Variants in ACSL1 observed in about 807,000 individuals in gnomAD.
ACSL1 encodes the protein acyl-CoA synthetase long chain family member 1.
In ACSL1, 41 loss-of-function variants were observed where a neutral mutation model predicts 98.4. That is an observed-to-expected ratio of 0.42 (90% CI 0.32 to 0.54). The LOEUF is 0.54. ACSL1 is among the 20% of genes least tolerant of loss of function. ACSL1 has a pLI of 0.13. For missense variants in ACSL1, 734 were observed against 883.1 expected (o/e 0.83, Z 2.14); for synonymous variants, 316 against 322.7 (o/e 0.98, Z 0.22).
intron 7 of ACSL1, among the ~76,000 whole-genome samples, chr4:184,775,705 T>C (rs1765188112): frequency 6.6e-6 from 1 of 152,194 alleles, no homozygotes; most frequent in Non-Finnish European, 1.5e-5. Context: ...TCAAATTCTT[T>C]GTAGGAGGAG....
chr4:184,760,307 G>A (rs1308545328), intron 18 of ACSL1, 50 bp downstream of exon 18: 13 of 1,600,210 alleles, frequency 8.1e-6, no homozygotes, highest in Non-Finnish European at 1.1e-5. Flanking sequence ...TGGAGTACCA[G>A]GCAATGGCAA....
At chr4:184,821,154 T>C (rs1409976381) in intron 1 of ACSL1, 10 of 455,550 alleles carry the variant, frequency 2.2e-5, no homozygotes, top group Non-Finnish European at 4.4e-5. Flanking sequence ...CACTGCTCTG[T>C]TCCTAAGCCT....
Position 184,773,907 on chromosome 4 carries a change from G to T in ACSL1, c.757-32C>A, listed in dbSNP as rs757367184. ...TAGAAGAGAAAAAAAGTCTTAAATG[G>T]AAACGTTTTCTAACTGTAAAGGATA... is the stretch of plus-strand genomic sequence containing the variant. On this transcript the variant is annotated intron_variant, in intron 7 of 20. Coordinates refer to ENST00000281455, the MANE Select transcript of ACSL1 (RefSeq NM_001995.5). This position sits in a 1 kb window ranked among gnomAD's most constrained non-coding sequence, Gnocchi z 4.3. 1 of 1,613,186 alleles carries T rather than the reference G, an allele frequency of 6.2e-7. No individual in the cohort carries two copies. The highest frequency in any genetic ancestry group is 8.5e-7 in the Non-Finnish European group (1 of 1,179,526).
At chr4:184,778,875 C>A (rs368686077) in intron 5 of ACSL1, among the ~76,000 whole-genome samples, 28 of 152,134 alleles carry the variant, frequency 1.8e-4, no homozygotes, top group African/African-American at 6.3e-4. Flanking sequence ...CAGTCACAGT[C>A]CAGCTGTGGA....
chr4:184,770,151 C>G, intron 11 of ACSL1: 1 of 1,114,114 alleles, frequency 9.0e-7, no homozygotes, highest in Non-Finnish European at 1.3e-6. Context: ...CCTGTTCATA[C>G]TCAGAAAAAG....
At chr4:184,778,733 G>A (rs1043850053) in intron 5 of ACSL1, among the ~76,000 whole-genome samples, 1 of 152,152 alleles carries the variant, frequency 6.6e-6, no homozygotes, top group African/African-American at 2.4e-5. Flanking sequence ...AACATTTGTT[G>A]AATGAACTCA....
At position 184,773,605 on chromosome 4, in the gene ACSL1, G is replaced by C; in HGVS notation, c.841+58C>G. On this transcript the variant is annotated intron_variant, in intron 9 of 20. Transcript: ENST00000281455. This position sits in a 1 kb window ranked among gnomAD's most constrained non-coding sequence, Gnocchi z 4.3. ...GCTGATAAGTCATCCAAAAGAGGTA[G>C]GGGAGAGTCCAGACCAATGGCTGCC... 3 of 1,506,278 alleles carry C rather than the reference G, an allele frequency of 2.0e-6. No homozygotes were observed. The South Asian group carries it at 3.7e-5, about 18-fold the overall frequency. The allele number at this position is 1,506,278 out of a possible 1,614,324, so 93.3% of individuals were successfully genotyped here.
chr4:184,765,877 G>A lies in ACSL1; in HGVS notation c.1359+14C>T, dbSNP rs1430563790. Reference sequence around the variant, plus strand: ...CTAGTGTGGGAGAATCAGGCGCCGTGACATCCACCTCACCTGACAGCCCAG... The same window carrying A: ...CTAGTGTGGGAGAATCAGGCGCCGTAACATCCACCTCACCTGACAGCCCAG... On this transcript the variant is annotated intron_variant, in intron 14 of 20. Coordinates refer to ENST00000281455, the MANE Select transcript of ACSL1 (RefSeq NM_001995.5). 6.2e-7 allele frequency: 1 copy of A among 1,609,872 alleles called. No homozygotes were observed. Among genetic ancestry groups the A allele is most frequent in the African/African-American group, 1.3e-5 (1 of 74,830 alleles).
chr4:184,788,507 A>G, intron 3 of ACSL1, 110 bp downstream of exon 3: 2 of 849,822 alleles, frequency 2.4e-6, no homozygotes, highest in South Asian at 1.4e-5. Context: ...GAGGGGCCTG[A>G]GCGATCCTAA....
In ACSL1 at chr4:184,823,488, T is replaced by C. The variant is rs1012790394; in HGVS notation, c.-33+2428A>G. 3.9e-5 allele frequency among the ~76,000 whole-genome samples: 6 copies of C among 152,174 alleles called. No individual in the cohort carries two copies. The East Asian group carries it at 1.2e-3, about 29-fold the overall frequency. On this transcript the variant is annotated intron_variant, in intron 1 of 20. Transcript: ENST00000281455. ...CCTCTAAGGTTACTGACTATAAATATCTAGAAATTACTACTCCTATAGTCT... is the reference window on the plus strand; with the variant it reads ...CCTCTAAGGTTACTGACTATAAATACCTAGAAATTACTACTCCTATAGTCT...
At chr4:184,770,170 T>C in intron 11 of ACSL1, 2 of 1,240,742 alleles carry the variant, frequency 1.6e-6, no homozygotes, top group South Asian at 1.4e-5. Flanking sequence ...AGAATTTATA[T>C]TCTTTCAAAT....
At chr4:184,767,982 C>G in intron 12 of ACSL1, 2 of 404,020 alleles carry the variant, frequency 5.0e-6, no homozygotes, top group Non-Finnish European at 8.7e-6. Flanking sequence ...CTTTTGGAGA[C>G]AAACAGTAGG....
At chr4:184,795,553 A>G (rs1239858860) in intron 2 of ACSL1, among the ~76,000 whole-genome samples, 1 of 152,152 alleles carries the variant, frequency 6.6e-6, no homozygotes, top group African/African-American at 2.4e-5. Flanking sequence ...TAAATTCCTA[A>G]GCCAGGCACT....
rs552661291 is a variant in ACSL1 at position 184,779,368 on chromosome 4, T to C, written c.477+964A>G. ...CATGTAAGAAGTGCCTTTCACCTCC[T>C]GCCATGATTCTGAGGCCCCCCCAGC... On this transcript the variant is annotated intron_variant, in intron 5 of 20. Transcript: ENST00000281455. Among the ~76,000 whole-genome samples the C allele has an allele frequency of 4.1e-4, 62 of 152,326 alleles. 1 individual carries two copies. In the East Asian group the frequency reaches 0.012, roughly 28 times the overall value.
chr4:184,770,697 A>G (rs972710388), intron 10 of ACSL1, among the ~76,000 whole-genome samples: 2 of 152,214 alleles, frequency 1.3e-5, no homozygotes, highest in Non-Finnish European at 2.9e-5. Flanking sequence ...CCTAAAACTT[A>G]AAGTATAATA....
intron 2 of ACSL1, among the ~76,000 whole-genome samples, chr4:184,795,453 G>A (rs1418723685): frequency 6.6e-6 from 1 of 152,146 alleles, no homozygotes; most frequent in Non-Finnish European, 1.5e-5. Context: ...TATTCCCTAC[G>A]TATCTGTAGT....
Position 184,760,373 on chromosome 4 carries a change from T to C in ACSL1, c.1766A>G (p.His589Arg). 3.7e-6 allele frequency: 6 copies of C among 1,614,154 alleles called. No homozygotes were observed. The highest frequency in any genetic ancestry group is 5.1e-6 in the Non-Finnish European group (6 of 1,179,998). Residue 589 changes from histidine (H) to arginine (R), a missense_variant, in exon 18 of 21, where the codon CAC becomes CGC. Physicochemically the swap from His to Arg is conservative, Grantham distance 29. Transcript: ENST00000281455. ...RSEPVAQVFVHGESLQAFLIA... is the reference protein window; with the variant it reads ...RSEPVAQVFVRGESLQAFLIA... ...AGCACATACCTGCAGGCTTTCTCCG[T>C]GGACAAACACCTGAGCAACAGGCTC...
chr4:184,765,642 A>C (rs941245057), intron 14 of ACSL1, among the ~76,000 whole-genome samples: 1 of 152,234 alleles, frequency 6.6e-6, no homozygotes, highest in Non-Finnish European at 1.5e-5. Flanking sequence ...GGTAGATTCC[A>C]AGTGTTCTCA....
At chr4:184,758,446 T>C (rs933800514) in intron 18 of ACSL1, 1 of 154,692 alleles carries the variant, frequency 6.5e-6, no homozygotes, top group Non-Finnish European at 1.4e-5. Context: ...TCCCAGCTAC[T>C]CAGGAGGCTG....
Sources: gnomAD v4.1 joint callset for allele counts (sites outside exome capture counted in the v4.1 genomes callset) on GRCh38, gnomAD v4.1.1 for gene constraint, Gnocchi (gnomAD v3.1) non-coding constraint, MANE v1.5 for transcripts, NCBI Gene and HGNC (gene_info 2026-07-23, HGNC 2026-07-21) for gene names.